Variants in ZC3H12B observed in about 807,000 individuals in gnomAD.
ZC3H12B encodes probable ribonuclease ZC3H12B.
A neutral mutation model predicts 43.9 loss-of-function variants in ZC3H12B; 7 were observed. The observed-to-expected ratio is 0.16, with a 90% CI of 0.09 to 0.30. The LOEUF (loss-of-function observed/expected upper bound fraction) is 0.30. Ranked by LOEUF, ZC3H12B falls within the 10% of genes least tolerant of loss-of-function variation. The pLI, the probability that ZC3H12B is intolerant of heterozygous loss-of-function variation, is 1.00. For missense variants in ZC3H12B, 475 were observed against 670.2 expected, an observed-to-expected ratio of 0.71 and a Z score of 3.22; for synonymous variants, 222 against 241.7, an observed-to-expected ratio of 0.92 and a Z score of 0.76.
chrX:65,446,802 T>C (rs2067383661), intron 3 of ZC3H12B, among the ~76,000 whole-genome samples: 1 of 111,989 alleles, frequency 8.9e-6, no homozygotes, highest in South Asian at 3.7e-4. Context: ...CATATGATGT[T>C]AAAACCAGGT....
At chrX:65,213,889 AT>A in the ZC3H12B span, among the ~76,000 whole-genome samples, 4 of 104,541 alleles carry the variant, frequency 3.8e-5, no homozygotes, top group Non-Finnish European at 5.7e-5. Context: ...TAAAAAAAAA[AT>A]ATATATATAC....
chrX:65,326,870 A>C, the ZC3H12B span, among the ~76,000 whole-genome samples: 2 of 111,762 alleles, frequency 1.8e-5, no homozygotes, highest in Non-Finnish European at 3.8e-5. Context: ...CAGATATATG[A>C]AAAAGCCCTC....
chrX:65,131,980 G>A, the ZC3H12B span, among the ~76,000 whole-genome samples: 1 of 111,778 alleles, frequency 8.9e-6, no homozygotes, highest in Non-Finnish European at 1.9e-5. Flanking sequence ...TCATGAGAAA[G>A]AGCTTGGCTG....
intron 2 of ZC3H12B, among the ~76,000 whole-genome samples, chrX:65,379,549 C>T (rs767805167): frequency 8.9e-6 from 1 of 112,214 alleles, no homozygotes; most frequent in Non-Finnish European, 1.9e-5. Flanking sequence ...AAGCAGAGCG[C>T]CTCTCCTCCT....
At chrX:65,173,560 G>A in the ZC3H12B span, among the ~76,000 whole-genome samples, 2 of 111,766 alleles carry the variant, frequency 1.8e-5, no homozygotes. Flanking sequence ...CTATGGGTTT[G>A]TCATAAACAG....
chrX:65,320,241 C>A, the ZC3H12B span, among the ~76,000 whole-genome samples: 1 of 111,612 alleles, frequency 9.0e-6, no homozygotes, highest in East Asian at 2.8e-4. Context: ...TACTGGGATT[C>A]CGTTACACCA....
chrX:65,480,794 C>A (rs1235264509), intron 3 of ZC3H12B, among the ~76,000 whole-genome samples: 1 of 105,692 alleles, frequency 9.5e-6, no homozygotes, highest in Non-Finnish European at 1.9e-5. Context: ...TGCAGTGAGC[C>A]GAGATTATGC....
chrX:65,129,265 A>G, the ZC3H12B span, among the ~76,000 whole-genome samples: 1 of 90,588 alleles, frequency 1.1e-5, no homozygotes, highest in Non-Finnish European at 1.9e-5. Flanking sequence ...ATGTATATAT[A>G]TATATATACA....
At chrX:65,170,854 C>T in the ZC3H12B span, among the ~76,000 whole-genome samples, 8 of 111,911 alleles carry the variant, frequency 7.1e-5, no homozygotes, top group African/African-American at 2.6e-4. Flanking sequence ...CATGCGTCAC[C>T]TAGTTCTCGT....
At chrX:65,352,442 G>A in the ZC3H12B span, among the ~76,000 whole-genome samples, 7 of 99,862 alleles carry the variant, frequency 7.0e-5, no homozygotes, top group African/African-American at 1.5e-4. Context: ...TTCTGCACAC[G>A]TATCCCAGAA....
At chrX:65,218,436 A>T in the ZC3H12B span, among the ~76,000 whole-genome samples, 1 of 111,881 alleles carries the variant, frequency 8.9e-6, no homozygotes, top group Non-Finnish European at 1.9e-5. Flanking sequence ...AGCCCTGCTC[A>T]CTGGCTGCTG....
At chrX:65,125,242 C>A in the ZC3H12B span, among the ~76,000 whole-genome samples, 1 of 111,405 alleles carries the variant, frequency 9.0e-6, no homozygotes, top group East Asian at 2.8e-4. Flanking sequence ...ATTGTTAAAC[C>A]AATGATTGTT....
At chrX:65,399,790 A>G (rs998657851) in intron 3 of ZC3H12B, among the ~76,000 whole-genome samples, 2 of 112,471 alleles carry the variant, frequency 1.8e-5, no homozygotes, top group African/African-American at 6.5e-5. Context: ...AAAGTGTTGA[A>G]CAGATGACTG....
chrX:65,252,769 C>T, the ZC3H12B span, among the ~76,000 whole-genome samples: 1 of 111,868 alleles, frequency 8.9e-6, no homozygotes, highest in Non-Finnish European at 1.9e-5. Flanking sequence ...TTAAAGTACC[C>T]TGTAGCATTA....
chrX:65,072,643 T>C, the ZC3H12B span, among the ~76,000 whole-genome samples: 1 of 111,846 alleles, frequency 8.9e-6, no homozygotes, highest in South Asian at 3.7e-4. Flanking sequence ...TCTGAAGATA[T>C]TGGGGGGCAG....
At chrX:65,128,459 A>G in the ZC3H12B span, among the ~76,000 whole-genome samples, 1 of 111,190 alleles carries the variant, frequency 9.0e-6, no homozygotes, top group African/African-American at 3.3e-5. Context: ...AAATATTTTG[A>G]ATTTTGTTTG....
chrX:65,489,094 A>G (rs1299128939), exon 1 of ZC3H12B: 2 of 1,211,943 alleles, frequency 1.7e-6, no homozygotes, highest in Admixed American at 4.3e-5. Flanking sequence ...AGCATTTTAC[A>G]GGATGGTAAA....
chrX:65,391,204 CT>C (rs1434591335), intron 2 of ZC3H12B, among the ~76,000 whole-genome samples: 1 of 112,114 alleles, frequency 8.9e-6, no homozygotes, highest in East Asian at 2.8e-4. Flanking sequence ...TACTTCATGG[CT>C]TTTCCAATAT....
At chrX:65,284,090 T>C in the ZC3H12B span, among the ~76,000 whole-genome samples, 55 of 109,851 alleles carry the variant, frequency 5.0e-4, no homozygotes, top group Non-Finnish European at 9.3e-4. Context: ...ATACAGAGAG[T>C]ATGCTATTAT....
Sources: allele counts gnomAD v4.1 joint callset (sites outside exome capture counted in the v4.1 genomes callset), GRCh38; gene constraint gnomAD v4.1.1; transcripts MANE v1.5; gene names NCBI Gene and HGNC (gene_info 2026-07-23, HGNC 2026-07-21).